SEMA5A: variants seen among roughly 807,000 people sequenced by gnomAD.
SEMA5A encodes the protein semaphorin-5A.
In SEMA5A, 55 loss-of-function variants were observed where a neutral mutation model predicts 135.5. The ratio of observed to expected loss-of-function variants is 0.41; its 90% CI spans 0.33 to 0.51. The LOEUF is 0.51. Ranked by LOEUF, SEMA5A falls within the 20% of genes least tolerant of loss-of-function variation. The pLI is 0.37. For missense variants in SEMA5A, 1,290 were observed against 1,419.9 expected (o/e 0.91, Z 1.47); for synonymous variants, 580 against 546.5 (o/e 1.06, Z -0.85).
intron 2 of SEMA5A, among the ~76,000 whole-genome samples, chr5:9,419,222 T>C (rs559359867): frequency 2.0e-5 from 3 of 152,306 alleles, no homozygotes; most frequent in South Asian, 2.1e-4. Context: ...TGCACTGTGG[T>C]GTGAGAGTGT....
intron 19 of SEMA5A, among the ~76,000 whole-genome samples, chr5:9,052,552 C>CT (rs1239586966): frequency 2.6e-5 from 4 of 152,164 alleles, no homozygotes; most frequent in Non-Finnish European, 5.9e-5. Flanking sequence ...CAATTACTTT[C>CT]TTTTCTGTTA....
At chr5:9,262,803 A>G (rs1309908429) in intron 5 of SEMA5A, among the ~76,000 whole-genome samples, 19 of 120,112 alleles carry the variant, frequency 1.6e-4, no homozygotes, top group African/African-American at 5.4e-4. Context: ...GCTAGATGAC[A>G]CGTTAGTGGG....
chr5:9,410,290 C>T (rs1290179371), intron 2 of SEMA5A, among the ~76,000 whole-genome samples: 1 of 152,252 alleles, frequency 6.6e-6, no homozygotes, highest in East Asian at 1.9e-4. Flanking sequence ...ATTTAAAATA[C>T]AGTATGTATG....
At chr5:9,256,562 C>A (rs931330813) in intron 5 of SEMA5A, among the ~76,000 whole-genome samples, 4 of 152,224 alleles carry the variant, frequency 2.6e-5, no homozygotes, top group African/African-American at 9.6e-5. Flanking sequence ...TCTATCACAT[C>A]ACTGCATTTG....
chr5:9,193,698 C>T (rs1745233828), intron 10 of SEMA5A, among the ~76,000 whole-genome samples: 1 of 152,068 alleles, frequency 6.6e-6, no homozygotes, highest in Admixed American at 6.6e-5. Context: ...AGGAGTTCAA[C>T]ACCAGCCTGG....
intron 1 of SEMA5A, chr5:9,498,820 T>C (rs529696635): frequency 2.6e-5 from 4 of 152,260 alleles, no homozygotes; most frequent in African/African-American, 9.6e-5. Context: ...TGAATATATA[T>C]GGCATGTTTA....
chr5:9,437,570 T>G (rs1217654178), intron 2 of SEMA5A, among the ~76,000 whole-genome samples, 186 bp downstream of exon 2: 1 of 152,174 alleles, frequency 6.6e-6, no homozygotes, highest in Non-Finnish European at 1.5e-5. Context: ...TTGGCCAGGC[T>G]GGAACTCCTG....
At chr5:9,093,782 C>T (rs1460538748) in intron 16 of SEMA5A, among the ~76,000 whole-genome samples, 1 of 152,116 alleles carries the variant, frequency 6.6e-6, no homozygotes, top group South Asian at 2.1e-4. Flanking sequence ...ATGATGACTA[C>T]TCACTTTCCA....
At chr5:9,090,868 G>A (rs988349380) in intron 16 of SEMA5A, among the ~76,000 whole-genome samples, 2 of 152,152 alleles carry the variant, frequency 1.3e-5, no homozygotes, top group East Asian at 1.9e-4. Context: ...AGATAGTTAC[G>A]AGAGCATGAT....
intron 2 of SEMA5A, among the ~76,000 whole-genome samples, chr5:9,424,864 C>T (rs557030540): frequency 3.5e-4 from 53 of 152,276 alleles, no homozygotes; most frequent in African/African-American, 1.3e-3. Flanking sequence ...GCCACCATCA[C>T]GCCTGACCCC....
intron 1 of SEMA5A, among the ~76,000 whole-genome samples, chr5:9,515,974 A>G (rs1293295099): frequency 6.6e-6 from 1 of 152,246 alleles, no homozygotes; most frequent in Non-Finnish European, 1.5e-5. Context: ...ATTTTCTCAT[A>G]TCTGAATATA....
chr5:9,530,024 C>A (rs143802587), intron 1 of SEMA5A, among the ~76,000 whole-genome samples: 17 of 152,350 alleles, frequency 1.1e-4, no homozygotes, highest in African/African-American at 4.1e-4. Flanking sequence ...CCAGCACAGG[C>A]TCTGAAGAGC....
At chr5:9,216,921 G>A (rs1415633018) in intron 8 of SEMA5A, among the ~76,000 whole-genome samples, 2 of 152,120 alleles carry the variant, frequency 1.3e-5, no homozygotes, top group African/African-American at 4.8e-5. Flanking sequence ...ATTGAGTCTT[G>A]CCTCTTTCTC....
chr5:9,124,974 A>T (rs144066610), intron 13 of SEMA5A, among the ~76,000 whole-genome samples: 162 of 152,324 alleles, frequency 1.1e-3, no homozygotes, highest in African/African-American at 3.4e-3. Flanking sequence ...AACTCTATGT[A>T]CCATACAGTT....
chr5:9,359,598 T>C (rs1754602811), intron 3 of SEMA5A, among the ~76,000 whole-genome samples: 1 of 152,220 alleles, frequency 6.6e-6, no homozygotes, highest in Admixed American at 6.5e-5. Context: ...AAGGTCATGA[T>C]GTAACTTTTG....
intron 1 of SEMA5A, among the ~76,000 whole-genome samples, chr5:9,441,495 T>A (rs1280207087): frequency 1.3e-5 from 2 of 151,422 alleles, no homozygotes; most frequent in Non-Finnish European, 3.0e-5. Context: ...TGGAGTTGGG[T>A]GGAAACCCCA....
At chr5:9,508,569 T>C (rs941426592) in intron 1 of SEMA5A, among the ~76,000 whole-genome samples, 6 of 152,128 alleles carry the variant, frequency 3.9e-5, no homozygotes, top group African/African-American at 1.4e-4. Flanking sequence ...TAAATCACAC[T>C]CCTTTCAACA....
chr5:9,263,856 C>T (rs1326651751), intron 5 of SEMA5A, among the ~76,000 whole-genome samples: 1 of 152,182 alleles, frequency 6.6e-6, no homozygotes, highest in African/African-American at 2.4e-5. Context: ...TCAATGTGCA[C>T]TGCATTTAGA....
intron 16 of SEMA5A, among the ~76,000 whole-genome samples, chr5:9,068,687 G>C (rs954579620): frequency 3.3e-5 from 5 of 152,082 alleles, no homozygotes; most frequent in Non-Finnish European, 7.4e-5. Context: ...ATGTTGTTTT[G>C]CCACTAACAA....
Sources: allele counts gnomAD v4.1 joint callset (sites outside exome capture counted in the v4.1 genomes callset), GRCh38; gene constraint gnomAD v4.1.1; transcripts MANE v1.5; gene names NCBI Gene and HGNC (gene_info 2026-07-23, HGNC 2026-07-21).